Variants in DAD1 observed in about 807,000 individuals in gnomAD.
DAD1 encodes dolichyl-diphosphooligosaccharide--protein glycosyltransferase subunit DAD1.
A neutral mutation model predicts 9.0 loss-of-function variants in DAD1; 4 were observed. The ratio of observed to expected loss-of-function variants is 0.44; its 90% CI spans 0.22 to 1.01. The LOEUF is 1.01. Among genes scored for constraint, DAD1 ranks in the 50% least tolerant of loss-of-function variants. DAD1 has a pLI of 0.24. For missense variants in DAD1, 119 were observed against 137.3 expected, an observed-to-expected ratio of 0.87 and a Z score of 0.67; for synonymous variants, 60 against 62.5, an observed-to-expected ratio of 0.96 and a Z score of 0.19.
At chr14:22,581,743 CAAAAAAAAAAA>C (rs59052046) in intron 1 of DAD1, among the ~76,000 whole-genome samples, 20 of 36,734 alleles carry the variant, frequency 5.4e-4, no homozygotes, top group African/African-American at 2.6e-4. Context: ...AACTCCATCT[CAAAAAAAAAAA>C]AAAAAAAAAA....
intron 1 of DAD1, among the ~76,000 whole-genome samples, chr14:22,582,570 A>G (rs1466770635): frequency 6.6e-6 from 1 of 152,156 alleles, no homozygotes; most frequent in Non-Finnish European, 1.5e-5. Flanking sequence ...TTAGGACCCA[A>G]AGAGCTCAGG....
chr14:22,584,438 A>C (rs1292729089), intron 1 of DAD1, among the ~76,000 whole-genome samples: 1 of 152,122 alleles, frequency 6.6e-6, no homozygotes, highest in Non-Finnish European at 1.5e-5. Flanking sequence ...GCAATAAGCC[A>C]GGCATAGTGC....
chr14:22,588,869 T>C, intron 1 of DAD1, 78 bp downstream of exon 1: 3 of 1,414,682 alleles, frequency 2.1e-6, no homozygotes, highest in Non-Finnish European at 2.9e-6. Flanking sequence ...GGCGGTGGTC[T>C]GATATAGAGT....
At chr14:22,574,320 G>T (rs1449456311) in intron 2 of DAD1, among the ~76,000 whole-genome samples, 1 of 152,082 alleles carries the variant, frequency 6.6e-6, no homozygotes, top group Non-Finnish European at 1.5e-5. Flanking sequence ...TAAAGCTTTA[G>T]AACTCTGCTT....
At chr14:22,588,861 C>G in intron 1 of DAD1, 86 bp downstream of exon 1, 1 of 1,316,156 alleles carries the variant, frequency 7.6e-7, no homozygotes, top group Non-Finnish European at 1.0e-6. Flanking sequence ...CTTCAAGGGG[C>G]GGTGGTCTGA....
At chr14:22,575,748 C>T (rs2037072504) in intron 1 of DAD1, among the ~76,000 whole-genome samples, 1 of 152,194 alleles carries the variant, frequency 6.6e-6, no homozygotes, top group Non-Finnish European at 1.5e-5. Flanking sequence ...GGGGTTTCAC[C>T]ATGCTGACCA....
intron 2 of DAD1, chr14:22,566,996 T>A (rs1171409610): frequency 1.3e-5 from 2 of 152,186 alleles, no homozygotes; most frequent in Non-Finnish European, 2.9e-5. Flanking sequence ...GAAGAATGGT[T>A]TCAACTATTA....
intron 1 of DAD1, among the ~76,000 whole-genome samples, chr14:22,588,405 A>G (rs368759108): frequency 6.6e-6 from 1 of 152,256 alleles, no homozygotes; most frequent in African/African-American, 2.4e-5. Context: ...AGTTATGTGA[A>G]CAAAAATTGG....
chr14:22,575,521 G>C (rs1312933682), intron 1 of DAD1, among the ~76,000 whole-genome samples: 2 of 151,632 alleles, frequency 1.3e-5, no homozygotes, highest in Non-Finnish European at 2.9e-5. Context: ...AATTGCACAA[G>C]TAAGTTGGGC....
At chr14:22,574,232 G>C (rs1451278527) in intron 2 of DAD1, among the ~76,000 whole-genome samples, 1 of 152,220 alleles carries the variant, frequency 6.6e-6, no homozygotes, top group Non-Finnish European at 1.5e-5. Context: ...AAGGCCAATG[G>C]ATTGTTCTAG....
intron 2 of DAD1, among the ~76,000 whole-genome samples, chr14:22,565,485 G>A (rs899887304): frequency 2.6e-5 from 4 of 152,182 alleles, no homozygotes; most frequent in African/African-American, 7.2e-5. Context: ...AGGTGAGAGG[G>A]TTGTAGTTTA....
chr14:22,581,584 A>T (rs1463303050), intron 1 of DAD1, among the ~76,000 whole-genome samples: 1 of 136,432 alleles, frequency 7.3e-6, no homozygotes, highest in African/African-American at 2.6e-5. Flanking sequence ...TCTACTAAAA[A>T]TACAAAAAAT....
chr14:22,587,808 G>A (rs1011405648), intron 1 of DAD1, among the ~76,000 whole-genome samples: 2 of 149,416 alleles, frequency 1.3e-5, no homozygotes, highest in Non-Finnish European at 2.9e-5. Flanking sequence ...GCACGATCTC[G>A]GCTCACTACA....
intron 2 of DAD1, among the ~76,000 whole-genome samples, chr14:22,571,625 CTTTTT>C (rs869205395): frequency 0.011 from 1,251 of 109,850 alleles, 16 homozygotes; most frequent in African/African-American, 0.038. Flanking sequence ...GCAAGGGGCT[CTTTTT>C]TTTTTTTTTT....
chr14:22,574,976 G>A (rs2037066408), intron 2 of DAD1, 83 bp downstream of exon 2: 1 of 1,249,674 alleles, frequency 8.0e-7, no homozygotes, highest in African/African-American at 1.5e-5. Context: ...TGGGAGCCTG[G>A]CCAACCATGA....
At chr14:22,573,654 G>T (rs2037057561) in intron 2 of DAD1, among the ~76,000 whole-genome samples, 1 of 144,614 alleles carries the variant, frequency 6.9e-6, no homozygotes, top group African/African-American at 2.6e-5. Flanking sequence ...AGTCTGCAGT[G>T]AGCCGAGATC....
At chr14:22,587,853 A>G (rs5742739) in intron 1 of DAD1, among the ~76,000 whole-genome samples, 1,658 of 151,272 alleles carry the variant, frequency 0.011, 40 homozygotes, top group African/African-American at 0.039. Context: ...ATTCTGCCTC[A>G]GCCTCCCGAG....
At position 22,586,024 on chromosome 14, in the gene DAD1, A is replaced by G. The variant is rs372962929; in HGVS notation, c.211+2923T>C. On this transcript the variant is annotated intron_variant, in intron 1 of 2. Transcript: ENST00000250498. ...GATCAAGACCATCCTGGCTAACACG[A>G]TGAAACCCTGTCTCCACTAAAAATA... Among the ~76,000 whole-genome samples the G allele has an allele frequency of 3.1e-4, 47 of 152,098 alleles. 1 individual carries two copies. In the East Asian group the frequency reaches 4.3e-3, roughly 14 times the overall value.
chr14:22,566,374 G>C (rs1383133548), intron 2 of DAD1, among the ~76,000 whole-genome samples: 1 of 148,412 alleles, frequency 6.7e-6, no homozygotes, highest in Non-Finnish European at 1.5e-5. Context: ...TGTGCTTGTT[G>C]TCCAGGCTGG....
Sources: allele counts gnomAD v4.1 joint callset (sites outside exome capture counted in the v4.1 genomes callset), GRCh38; gene constraint gnomAD v4.1.1; transcripts MANE v1.5; gene names NCBI Gene and HGNC (gene_info 2026-07-23, HGNC 2026-07-21).